SYNJ1: variants seen among roughly 807,000 people sequenced by gnomAD.
SYNJ1 encodes synaptojanin 1, also known as polyphosphatidylinositol phosphatase SYNJ1.
SYNJ1 carries 78 observed loss-of-function variants against 168.2 expected under a neutral mutation model. The ratio of observed to expected loss-of-function variants is 0.46; its 90% CI spans 0.39 to 0.56. The LOEUF (loss-of-function observed/expected upper bound fraction) is 0.56. Ranked by LOEUF, SYNJ1 falls within the 20% of genes least tolerant of loss-of-function variation. The pLI is 0.00. For missense variants in SYNJ1, 1,303 were observed against 1,597.6 expected (o/e 0.82, Z 3.14); for synonymous variants, 539 against 548.6 (o/e 0.98, Z 0.24).
At chr21:32,676,170 A>C (rs1447505871) in intron 13 of SYNJ1, among the ~76,000 whole-genome samples, 162 bp downstream of exon 13, 1 of 152,238 alleles carries the variant, frequency 6.6e-6, no homozygotes, top group Non-Finnish European at 1.5e-5. Flanking sequence ...CAAGCTTGAA[A>C]TTCTTTTCTC....
chr21:32,643,579 T>C, intron 26 of SYNJ1, 122 bp from the exon 27 acceptor site: 2 of 972,408 alleles, frequency 2.1e-6, no homozygotes, highest in African/African-American at 1.7e-5. Flanking sequence ...TTTATTGCTT[T>C]AAATTTCTTC....
chr21:32,670,738 A>G, intron 14 of SYNJ1: 2 of 925,468 alleles, frequency 2.2e-6, no homozygotes, highest in African/African-American at 1.8e-5. Context: ...CACAAAGAAT[A>G]AAGTGACTGA....
chr21:32,718,619 C>G (rs2043106506), intron 2 of SYNJ1, among the ~76,000 whole-genome samples: 1 of 151,440 alleles, frequency 6.6e-6, no homozygotes, highest in South Asian at 2.1e-4. Context: ...CAGGACACTG[C>G]AACTTATCTA....
At chr21:32,728,347 C>T (rs376791800), upstream of SYNJ1, 1 of 301,654 alleles carries the variant, frequency 3.3e-6, no homozygotes, top group African/African-American at 2.2e-5. Context: ...GCTCCCCAAG[C>T]TGGGCGTCAG....
At chr21:32,702,165 GT>G in intron 2 of SYNJ1, 118 bp from the exon 3 acceptor site, 1 of 639,648 alleles carries the variant, frequency 1.6e-6, no homozygotes, top group Non-Finnish European at 2.6e-6. Flanking sequence ...TAAAATAAAT[GT>G]ACTGCATATT....
At chr21:32,711,360 G>A (rs989184958) in intron 2 of SYNJ1, among the ~76,000 whole-genome samples, 12 of 149,084 alleles carry the variant, frequency 8.0e-5, no homozygotes, top group African/African-American at 3.0e-4. Flanking sequence ...TTGAGATGGA[G>A]TCTCGTTCTG....
At chr21:32,693,589 T>A (rs2042104052) in intron 6 of SYNJ1, among the ~76,000 whole-genome samples, 1 of 152,138 alleles carries the variant, frequency 6.6e-6, no homozygotes, top group Non-Finnish European at 1.5e-5. Flanking sequence ...CATACCCAGA[T>A]CCTAAAGTAA....
chr21:32,678,480 A>T (rs1396548324), intron 12 of SYNJ1, among the ~76,000 whole-genome samples, 165 bp downstream of exon 12: 1 of 152,184 alleles, frequency 6.6e-6, no homozygotes, highest in Non-Finnish European at 1.5e-5. Flanking sequence ...AAATATTTTA[A>T]AACAGACAAA....
Position 32,631,188 on chromosome 21 carries a change from GA to G in SYNJ1, c.*616del. The G allele has an allele frequency of 6.2e-7, 1 of 1,614,192 alleles. No homozygotes were observed. The highest frequency in any genetic ancestry group is 8.5e-7 in the Non-Finnish European group (1 of 1,180,032). On this transcript the variant is annotated 3_prime_UTR_variant, in exon 33 of 33. Coordinates refer to ENST00000674351, the MANE Select transcript of SYNJ1 (RefSeq NM_203446.3). ...CAATGTCAGGTTGGAGCCAGAAAAT[GA>G]ACTTGGCTGATTACCCAGTAAGTCT...
chr21:32,684,761 T>C (rs1029674082), intron 9 of SYNJ1, among the ~76,000 whole-genome samples: 1 of 152,182 alleles, frequency 6.6e-6, no homozygotes, highest in African/African-American at 2.4e-5. Context: ...GTTTCATATA[T>C]AACAGCATGA....
intron 26 of SYNJ1, among the ~76,000 whole-genome samples, chr21:32,643,847 G>A (rs1052192825): frequency 3.9e-5 from 6 of 152,158 alleles, no homozygotes; most frequent in East Asian, 3.8e-4. Flanking sequence ...ATGAGACTAC[G>A]TAAGTCTTTT....
At chr21:32,670,631 C>T (rs941336590) in intron 14 of SYNJ1, 15 of 382,342 alleles carry the variant, frequency 3.9e-5, no homozygotes, top group Non-Finnish European at 4.7e-5. Context: ...TTTGAAAAAA[C>T]TCTTGCTAAA....
At chr21:32,645,497 C>T in intron 25 of SYNJ1, 149 bp downstream of exon 25, 1 of 1,177,916 alleles carries the variant, frequency 8.5e-7, no homozygotes, top group South Asian at 1.9e-5. Context: ...GTTGCGCCTA[C>T]CATGTTCTTT....
intron 13 of SYNJ1, among the ~76,000 whole-genome samples, chr21:32,675,851 T>C (rs1390316118): frequency 6.6e-6 from 1 of 152,244 alleles, no homozygotes; most frequent in Non-Finnish European, 1.5e-5. Context: ...TGCAAGTCTA[T>C]AGTTTTGAAA....
intron 18 of SYNJ1, among the ~76,000 whole-genome samples, chr21:32,659,016 A>T (rs1601317484): frequency 6.6e-6 from 1 of 152,296 alleles, no homozygotes; most frequent in East Asian, 1.9e-4. Context: ...CTGAGGCCTG[A>T]AAAGGTAATG....
intron 14 of SYNJ1, chr21:32,670,980 C>T (rs1292911624): frequency 4.9e-6 from 1 of 202,350 alleles, no homozygotes; most frequent in East Asian, 1.9e-4. Flanking sequence ...CTTCGGGTGC[C>T]CCAAGTTTCT....
intron 31 of SYNJ1, 107 bp downstream of exon 31, chr21:32,638,799 ACT>A (rs1364267207): frequency 1.4e-5 from 15 of 1,053,104 alleles, no homozygotes; most frequent in Admixed American, 5.0e-5. Context: ...GAAAATTAAA[ACT>A]CGTATTTATT....
intron 2 of SYNJ1, among the ~76,000 whole-genome samples, chr21:32,724,113 T>C (rs1262889565): frequency 6.6e-6 from 1 of 152,096 alleles, no homozygotes; most frequent in East Asian, 1.9e-4. Context: ...TTAAAGGAGA[T>C]CAACACTGGA....
chr21:32,647,735 CCT>C (rs1289330196), intron 23 of SYNJ1, among the ~76,000 whole-genome samples: 16 of 152,318 alleles, frequency 1.1e-4, no homozygotes, highest in Admixed American at 4.6e-4. Flanking sequence ...CACTGATTCC[CCT>C]GTTTAATCTT....
Sources: allele counts gnomAD v4.1 joint callset (sites outside exome capture counted in the v4.1 genomes callset), GRCh38; gene constraint gnomAD v4.1.1; transcripts MANE v1.5; gene names NCBI Gene and HGNC (gene_info 2026-07-23, HGNC 2026-07-21).